Variants in MICU3 observed in about 807,000 individuals in gnomAD.
MICU3 encodes the protein calcium uptake protein 3, mitochondrial.
MICU3 carries 62 observed loss-of-function variants against 66.5 expected under a neutral mutation model. The ratio of observed to expected loss-of-function variants is 0.93; its 90% CI spans 0.76 to 1.15. MICU3 has a LOEUF of 1.15. Ranked by LOEUF, MICU3 falls within the 50% of genes most tolerant of loss-of-function variation. The probability of loss-of-function intolerance (pLI) is 0.00; values close to 1 mark genes in which losing one functional copy is unlikely to be tolerated. For synonymous variants in MICU3, 308 were observed against 240.7 expected, an observed-to-expected ratio of 1.28 and a Z score of -2.59; for missense variants, 779 against 664.4, an observed-to-expected ratio of 1.17 and a Z score of -1.90.
At chr8:17,082,153 T>C (rs1219740382) in intron 5 of MICU3, among the ~76,000 whole-genome samples, 3 of 152,036 alleles carry the variant, frequency 2.0e-5, no homozygotes, top group African/African-American at 7.2e-5. Context: ...AACTTCTATT[T>C]TCTCCCTGTC....
At position 17,075,951 on chromosome 8, in the gene MICU3, G is replaced by A. The variant is rs1213756292; in HGVS notation, c.568-1832G>A. ...AAACAGTTAAAATGGAGAAAGATTAGTTAATATTTATACAGTTACAATAGA... is the reference window on the plus strand; with the variant it reads ...AAACAGTTAAAATGGAGAAAGATTAATTAATATTTATACAGTTACAATAGA... On this transcript the variant is annotated intron_variant, in intron 3 of 14. Transcript: ENST00000318063. Among the ~76,000 whole-genome samples, 6 of 152,240 alleles carry A rather than the reference G, an allele frequency of 3.9e-5. No individual in the cohort carries two copies. In the East Asian group the frequency reaches 7.7e-4, roughly 20 times the overall value.
intron 3 of MICU3, among the ~76,000 whole-genome samples, chr8:17,075,049 G>T (rs1450995100): frequency 6.6e-6 from 1 of 151,996 alleles, no homozygotes; most frequent in East Asian, 1.9e-4. Flanking sequence ...ATGAATCATA[G>T]AACTCAGAAA....
chr8:17,072,956 T>C (rs7011331), intron 3 of MICU3, among the ~76,000 whole-genome samples: 13,213 of 151,832 alleles, frequency 0.087, 921 homozygotes, highest in East Asian at 0.38. Context: ...AGTGGCACGA[T>C]CTTGGCTCAC....
chr8:17,053,227 T>C (rs1267957511), intron 1 of MICU3, among the ~76,000 whole-genome samples: 2 of 152,148 alleles, frequency 1.3e-5, no homozygotes, highest in Non-Finnish European at 2.9e-5. Context: ...GTTTAGATAA[T>C]TGATATAATT....
chr8:17,101,813 T>A (rs1801280331), intron 9 of MICU3, among the ~76,000 whole-genome samples: 1 of 151,882 alleles, frequency 6.6e-6, no homozygotes, highest in South Asian at 2.1e-4. Flanking sequence ...TGTAAAAATC[T>A]TTTTTTCATT....
At chr8:17,074,943 C>G (rs963819582) in intron 3 of MICU3, among the ~76,000 whole-genome samples, 2 of 152,072 alleles carry the variant, frequency 1.3e-5, no homozygotes, top group African/African-American at 4.8e-5. Context: ...ATGCTTGTTG[C>G]AAGTTTCGGG....
At chr8:17,076,610 T>G (rs1820423120) in intron 3 of MICU3, among the ~76,000 whole-genome samples, 1 of 152,154 alleles carries the variant, frequency 6.6e-6, no homozygotes, top group Admixed American at 6.5e-5. Flanking sequence ...TACCAAGAAT[T>G]TTTCTTCCTG....
chr8:17,045,774 AAGG>A (rs1229460529), intron 1 of MICU3, among the ~76,000 whole-genome samples: 2 of 152,222 alleles, frequency 1.3e-5, no homozygotes, highest in Non-Finnish European at 2.9e-5. Context: ...GCAGAAGGCA[AAGG>A]AGAAGCAAAG....
At chr8:17,122,913 T>A (rs2150850534), downstream of MICU3, among the ~76,000 whole-genome samples, 1 of 152,174 alleles carries the variant, frequency 6.6e-6, no homozygotes, top group East Asian at 1.9e-4. Flanking sequence ...AAAGTTTATA[T>A]GTGACTTAAT....
At chr8:17,125,725 C>T (rs760617727), downstream of MICU3, among the ~76,000 whole-genome samples, 2 of 152,032 alleles carry the variant, frequency 1.3e-5, no homozygotes, top group South Asian at 4.1e-4. Flanking sequence ...CCTCTCTTCT[C>T]CTTGTGCATA....
the MICU3 span, among the ~76,000 whole-genome samples, chr8:17,136,493 T>A: frequency 1.3e-5 from 2 of 152,050 alleles, no homozygotes; most frequent in Admixed American, 6.6e-5. Flanking sequence ...CCTTTTGAAA[T>A]TCTTAACAAT....
intron 9 of MICU3, among the ~76,000 whole-genome samples, chr8:17,099,953 G>A (rs1167354117): frequency 2.0e-5 from 3 of 151,706 alleles, no homozygotes; most frequent in East Asian, 3.9e-4. Flanking sequence ...TTAAATCTTG[G>A]GAAGTTTAAT....
intron 9 of MICU3, among the ~76,000 whole-genome samples, chr8:17,102,040 A>C (rs1412097328): frequency 6.6e-6 from 1 of 151,938 alleles, no homozygotes; most frequent in East Asian, 1.9e-4. Context: ...AACTTCTCTA[A>C]GGTCACTTAA....
intron 1 of MICU3, among the ~76,000 whole-genome samples, chr8:17,061,597 T>A (rs566250778): frequency 6.6e-6 from 1 of 152,128 alleles, no homozygotes; most frequent in African/African-American, 2.4e-5. Flanking sequence ...TTCATTCAGA[T>A]CATGCTGCAG....
At chr8:17,088,874 T>G (rs1417855741) in intron 7 of MICU3, among the ~76,000 whole-genome samples, 1 of 151,896 alleles carries the variant, frequency 6.6e-6, no homozygotes, top group African/African-American at 2.4e-5. Context: ...ATGCAAATAT[T>G]TTATAATAGT....
chr8:17,035,678 TGTTA>T (rs1812852713), intron 1 of MICU3, among the ~76,000 whole-genome samples: 1 of 152,212 alleles, frequency 6.6e-6, no homozygotes, highest in South Asian at 2.1e-4. Context: ...ACTTGGGTGA[TGTTA>T]AAGGCATTCA....
At chr8:17,130,654 T>G in the MICU3 span, among the ~76,000 whole-genome samples, 21 of 152,240 alleles carry the variant, frequency 1.4e-4, no homozygotes, top group African/African-American at 4.8e-4. Flanking sequence ...AAGATTGTAT[T>G]GTAGGTGCAA....
intron 7 of MICU3, among the ~76,000 whole-genome samples, chr8:17,087,349 GTGAATTGCAAAGA>G (rs1211226331): frequency 3.3e-5 from 5 of 151,964 alleles, no homozygotes; most frequent in Non-Finnish European, 7.4e-5. Context: ...AAATTTAAAG[GTGAATTGCAAAGA>G]TTTAATTATA....
At chr8:17,052,189 C>G (rs1816206984) in intron 1 of MICU3, among the ~76,000 whole-genome samples, 1 of 152,030 alleles carries the variant, frequency 6.6e-6, no homozygotes, top group Non-Finnish European at 1.5e-5. Context: ...TATAATAATA[C>G]AAGTAGAGAC....
Sources: gnomAD v4.1 joint callset for allele counts (sites outside exome capture counted in the v4.1 genomes callset) on GRCh38, gnomAD v4.1.1 for gene constraint, MANE v1.5 for transcripts, NCBI Gene and HGNC (gene_info 2026-07-23, HGNC 2026-07-21) for gene names.